The following TACC2 variants were observed in gnomAD, a reference collection of about 807,000 sequenced individuals.
The protein encoded by TACC2 is transforming acidic coiled-coil containing protein 2, also known as transforming acidic coiled-coil-containing protein 2.
A neutral mutation model predicts 227.3 loss-of-function variants in TACC2; 137 were observed. The observed-to-expected ratio is 0.60, with a 90% CI of 0.52 to 0.69. TACC2 has a LOEUF of 0.69. Among genes scored for constraint, TACC2 ranks in the 30% least tolerant of loss-of-function variants. The pLI is 0.00. For synonymous variants in TACC2, 1,523 were observed against 1,487.5 expected, an observed-to-expected ratio of 1.02 and a Z score of -0.55; for missense variants, 3,470 against 3,694.4, an observed-to-expected ratio of 0.94 and a Z score of 1.57.
Position 122,006,116 on chromosome 10 carries a change from T to C in TACC2, c.-45-15821T>C, listed in dbSNP as rs149367265. On this transcript the variant is annotated intron_variant, in intron 1 of 22. Coordinates refer to ENST00000369005, the MANE Select transcript of TACC2 (RefSeq NM_206862.4). Reference sequence around the variant, plus strand: ...GTTTTTTGTTTTTCTTTTTTAATGCTGTTTCATTGTTATCTTGCTTTGTTT... The same window carrying C: ...GTTTTTTGTTTTTCTTTTTTAATGCCGTTTCATTGTTATCTTGCTTTGTTT... Among the ~76,000 whole-genome samples, 332 of 152,322 alleles carry C rather than the reference T, an allele frequency of 2.2e-3. 14 individuals carry two copies. In the East Asian group the frequency reaches 0.059, roughly 27 times the overall value.
intron 6 of TACC2, among the ~76,000 whole-genome samples, chr10:122,139,333 C>T (rs938275967): frequency 2.6e-5 from 4 of 152,254 alleles, no homozygotes; most frequent in African/African-American, 9.6e-5. Flanking sequence ...GCTGCTCACG[C>T]TCTCACGTGA....
rs1554997792 is a variant in TACC2, at chr10:122,075,196, A to AG, written c.147-7451_147-7450insG. ...ACAATAAATCTTGCTGCCAAAAAAAAAAAAAAAGAAAGAAAGAAAGAAAGT... is the reference window on the plus strand; with the variant it reads ...ACAATAAATCTTGCTGCCAAAAAAAAGAAAAAAAGAAAGAAAGAAAGAAAGT... On this transcript the variant is annotated intron_variant, in intron 3 of 22. Transcript: ENST00000369005. Among the ~76,000 whole-genome samples the AG allele has an allele frequency of 4.8e-3, 524 of 108,602 alleles. 3 individuals carry two copies. Among genetic ancestry groups the AG allele is most frequent in the African/African-American group, 0.021 (486 of 22,752 alleles). The allele number at this position is 108,602 out of a possible 152,430, so 71.2% of individuals were successfully genotyped here.
chr10:122,064,162 AAAC>A (rs1003803243), intron 3 of TACC2, among the ~76,000 whole-genome samples: 1 of 152,120 alleles, frequency 6.6e-6, no homozygotes, highest in African/African-American at 2.4e-5. Flanking sequence ...ACTCTGTCTC[AAAC>A]AACAACAAAA....
At chr10:122,191,218 G>A (rs191775979) in intron 7 of TACC2, among the ~76,000 whole-genome samples, 39 of 152,140 alleles carry the variant, frequency 2.6e-4, no homozygotes, top group South Asian at 4.1e-4. Context: ...CCTGGACGAA[G>A]CGATCCTCCT....
intron 7 of TACC2, among the ~76,000 whole-genome samples, chr10:122,167,909 C>T (rs1314276152): frequency 6.6e-6 from 1 of 151,880 alleles, no homozygotes; most frequent in Non-Finnish European, 1.5e-5. Flanking sequence ...TTTTTTGAGA[C>T]AGTGTTTCAC....
chr10:122,041,224 C>G (rs995638792), intron 2 of TACC2, among the ~76,000 whole-genome samples: 1 of 152,184 alleles, frequency 6.6e-6, no homozygotes, highest in African/African-American at 2.4e-5. Flanking sequence ...GCTTGGTGCT[C>G]TACGGTTAAC....
chr10:122,046,628 G>C (rs1376964245), intron 2 of TACC2, among the ~76,000 whole-genome samples: 1 of 152,078 alleles, frequency 6.6e-6, no homozygotes, highest in Non-Finnish European at 1.5e-5. Flanking sequence ...TATAGCCCGT[G>C]GTCCCTTTCT....
chr10:121,998,625 A>G (rs1006576868), intron 1 of TACC2, among the ~76,000 whole-genome samples: 3 of 152,112 alleles, frequency 2.0e-5, no homozygotes, highest in Non-Finnish European at 2.9e-5. Context: ...ATGAGTGACT[A>G]CTCTGAATTT....
intron 22 of TACC2, among the ~76,000 whole-genome samples, chr10:122,252,980 C>G (rs2096278875): frequency 6.6e-6 from 1 of 152,206 alleles, no homozygotes; most frequent in South Asian, 2.1e-4. Flanking sequence ...AGGACTGGAA[C>G]TTCCCCTCCA....
intron 1 of TACC2, among the ~76,000 whole-genome samples, chr10:122,010,416 G>A (rs1287888547): frequency 6.6e-6 from 1 of 152,202 alleles, no homozygotes; most frequent in Non-Finnish European, 1.5e-5. Flanking sequence ...CGAGTAAGGG[G>A]AACCTTATAT....
intron 17 of TACC2, 148 bp downstream of exon 17, chr10:122,237,686 C>A (rs2095884452): frequency 9.2e-7 from 1 of 1,084,150 alleles, no homozygotes; most frequent in African/African-American, 1.6e-5. Context: ...TTTTGATCTT[C>A]CTAGACGCTA....
At chr10:122,184,908 G>A (rs1054703041) in intron 7 of TACC2, among the ~76,000 whole-genome samples, 1 of 152,050 alleles carries the variant, frequency 6.6e-6, no homozygotes, top group African/African-American at 2.4e-5. Flanking sequence ...ATAGCGATGG[G>A]GGGTCTGTCC....
intron 3 of TACC2, among the ~76,000 whole-genome samples, chr10:122,054,090 T>C (rs938498488): frequency 6.6e-6 from 1 of 152,190 alleles, no homozygotes; most frequent in African/African-American, 2.4e-5. Context: ...GAAAGTCCAT[T>C]GTTTCTCCTC....
intron 7 of TACC2, among the ~76,000 whole-genome samples, chr10:122,157,797 C>T (rs1389721234): frequency 6.6e-6 from 1 of 151,832 alleles, no homozygotes; most frequent in African/African-American, 2.4e-5. Context: ...CCTACCATTT[C>T]CGTCTCAAAA....
At chr10:122,135,826 G>T (rs1284353763) in intron 6 of TACC2, among the ~76,000 whole-genome samples, 1 of 152,188 alleles carries the variant, frequency 6.6e-6, no homozygotes, top group Admixed American at 6.5e-5. Flanking sequence ...CCTTCTTGTC[G>T]TGGCTCTGGC....
At chr10:122,183,066 G>A (rs1448477577) in intron 7 of TACC2, among the ~76,000 whole-genome samples, 2 of 152,160 alleles carry the variant, frequency 1.3e-5, no homozygotes, top group African/African-American at 4.8e-5. Flanking sequence ...TTAGATGGGC[G>A]TGGTGGCACG....
intron 3 of TACC2, among the ~76,000 whole-genome samples, chr10:122,074,361 T>A (rs917177866): frequency 2.0e-5 from 3 of 152,150 alleles, no homozygotes; most frequent in Non-Finnish European, 2.9e-5. Flanking sequence ...ATTATAGGTA[T>A]GACCCACTGT....
At chr10:122,244,778 G>C in intron 19 of TACC2, among the ~76,000 whole-genome samples, 1 of 152,058 alleles carries the variant, frequency 6.6e-6, no homozygotes, top group Admixed American at 6.5e-5. Flanking sequence ...CAGCCCACAT[G>C]TCTAGCTCTT....
intron 2 of TACC2, among the ~76,000 whole-genome samples, chr10:122,029,745 T>A (rs1958694631): frequency 6.6e-6 from 1 of 152,146 alleles, no homozygotes; most frequent in Non-Finnish European, 1.5e-5. Flanking sequence ...GTGAGCGCCC[T>A]CAATGTGCAC....
Sources: gnomAD v4.1 joint callset for allele counts (sites outside exome capture counted in the v4.1 genomes callset) on GRCh38, gnomAD v4.1.1 for gene constraint, MANE v1.5 for transcripts, NCBI Gene and HGNC (gene_info 2026-07-23, HGNC 2026-07-21) for gene names.